LUZP1: variants seen among roughly 807,000 people sequenced by gnomAD.
LUZP1 encodes leucine zipper protein 1.
In LUZP1, 25 loss-of-function variants were observed where a neutral mutation model predicts 71.3. The ratio of observed to expected loss-of-function variants is 0.35; its 90% confidence interval spans 0.26 to 0.49. The LOEUF is 0.49. Among genes scored for constraint, LUZP1 ranks in the 20% least tolerant of loss-of-function variants. LUZP1 has a pLI of 0.99. For synonymous variants in LUZP1, 481 were observed against 506.4 expected, an observed-to-expected ratio of 0.95 and a Z score of 0.67; for missense variants, 1,142 against 1,300.8, an observed-to-expected ratio of 0.88 and a Z score of 1.88.
intron 1 of LUZP1, among the ~76,000 whole-genome samples, chr1:23,172,301 GGA>G (rs895940411): frequency 6.6e-6 from 1 of 152,126 alleles, no homozygotes; most frequent in African/African-American, 2.4e-5. Context: ...AAGTGTAGTA[GGA>G]TCCTGTAGTT....
chr1:23,161,556 C>T (rs997453872), intron 2 of LUZP1, among the ~76,000 whole-genome samples: 1 of 151,840 alleles, frequency 6.6e-6, no homozygotes, highest in African/African-American at 2.4e-5. Flanking sequence ...GAGTTTGAGA[C>T]CAGCCTGAGC....
intron 3 of LUZP1, among the ~76,000 whole-genome samples, chr1:23,103,424 C>T (rs1319198112): frequency 1.3e-5 from 2 of 152,074 alleles, no homozygotes; most frequent in Non-Finnish European, 2.9e-5. Flanking sequence ...AGTGAGGGAC[C>T]CAGCTAGCAT....
chr1:23,111,178 C>A lies in LUZP1; in HGVS notation c.-225-2051G>T, dbSNP rs183298817. Among the ~76,000 whole-genome samples the A allele has an allele frequency of 5.4e-5, 7 of 129,756 alleles. No homozygotes were observed. In the Admixed American group the frequency reaches 6.2e-4, roughly 12 times the overall value. 85.1% of individuals were successfully genotyped at this position (129,756 alleles called of 152,430 possible). On this transcript the variant is annotated intron_variant, in intron 2 of 4. Transcript: ENST00000302291. ...TCGCGCCACTGCACTCCAGCCTGGG[C>A]GACACAGTGAGACGCTGTCTCAAAA...
intron 1 of LUZP1, among the ~76,000 whole-genome samples, chr1:23,169,505 G>A (rs1179216627): frequency 2.6e-5 from 4 of 152,158 alleles, no homozygotes; most frequent in Non-Finnish European, 2.9e-5. Flanking sequence ...GCTCAGACTC[G>A]GGAGGCATGG....
chr1:23,168,845 C>A (rs1345306004), exon 2 of LUZP1: 2 of 152,576 alleles, frequency 1.3e-5, no homozygotes, highest in Non-Finnish European at 2.9e-5. Flanking sequence ...CCTCTGGCTC[C>A]GCGGGACTGA....
intron 2 of LUZP1, among the ~76,000 whole-genome samples, chr1:23,165,388 C>T (rs1287500707): frequency 2.0e-5 from 3 of 149,100 alleles, no homozygotes; most frequent in Non-Finnish European, 3.0e-5. Flanking sequence ...GAATGCATTC[C>T]GGGCAGGGCA....
At position 23,093,552 on chromosome 1, in the gene LUZP1, C is replaced by A. The variant is rs1643875940; in HGVS notation, c.710G>T (p.Arg237Ile). The change falls in exon 4 of 5, where the codon AGA becomes ATA. Residue 237 changes from arginine (R) to isoleucine (I), a missense_variant. Arg to Ile is a moderately conservative substitution (Grantham distance 97). Coordinates refer to ENST00000302291, the Ensembl canonical transcript of LUZP1. This position sits in a 1 kb window ranked among gnomAD's most constrained non-coding sequence, Gnocchi z 4.2. ...GCCATCCTCAATCCGTAGGTCATTT[C>A]TTTCCAGATTAGAAGCATTCCTTGT... 6.2e-7 allele frequency: 1 copy of A among 1,613,800 alleles called. No individual in the cohort carries two copies. Among genetic ancestry groups the A allele is most frequent in the Non-Finnish European group, 8.5e-7 (1 of 1,179,990 alleles).
chr1:23,094,468 TCCTGGTG>T lies in LUZP1; in HGVS notation c.-119-95_-119-89del, dbSNP rs1643882647. 4 of 957,844 alleles carry T rather than the reference TCCTGGTG, an allele frequency of 4.2e-6. No individual in the cohort carries two copies. In the African/African-American group the frequency reaches 5.1e-5, roughly 12 times the overall value. The allele number at this position is 957,844 out of a possible 1,614,324, so 59.3% of individuals were successfully genotyped here. A position where few individuals can be genotyped will look rare whatever the true frequency, so the allele number is the denominator to read the frequency against. ...GTTATAGAAAAGTGCTCCTATCTGT[TCCTGGTG>T]CCTGGATCATAGCAGGGGCTCAAAC... is the stretch of plus-strand genomic sequence containing the variant. On this transcript the variant is annotated intron_variant, in intron 3 of 4. Transcript: ENST00000302291. The surrounding 1 kb of genome is among the most constrained non-coding windows in gnomAD (Gnocchi z 4.7).
At chr1:23,160,461 A>T (rs957718355) in intron 2 of LUZP1, among the ~76,000 whole-genome samples, 1 of 152,222 alleles carries the variant, frequency 6.6e-6, no homozygotes, top group African/African-American at 2.4e-5. Context: ...TACACCAGTG[A>T]CAAGTTCCAA....
chr1:23,087,844 G>C (rs1460608292), exon 5 of LUZP1: 1 of 152,626 alleles, frequency 6.6e-6, no homozygotes, highest in Non-Finnish European at 1.5e-5. Context: ...CAGAAATCCG[G>C]GGCCCACTTC....
chr1:23,137,815 A>G (rs900436406), intron 2 of LUZP1, among the ~76,000 whole-genome samples: 1 of 152,212 alleles, frequency 6.6e-6, no homozygotes, highest in Non-Finnish European at 1.5e-5. Flanking sequence ...AAAGTTAAAC[A>G]TACAGGTACT....
chr1:23,138,351 G>T (rs1444709569), intron 2 of LUZP1, among the ~76,000 whole-genome samples: 2 of 152,154 alleles, frequency 1.3e-5, no homozygotes, highest in East Asian at 3.8e-4. Flanking sequence ...ACTACAAAAT[G>T]TGGATGAACC....
chr1:23,167,652 A>T (rs1282382682), intron 2 of LUZP1, among the ~76,000 whole-genome samples: 1 of 152,238 alleles, frequency 6.6e-6, no homozygotes, highest in Non-Finnish European at 1.5e-5. Flanking sequence ...GCGATGAAGA[A>T]ACAGATGCTC....
intron 2 of LUZP1, among the ~76,000 whole-genome samples, chr1:23,130,423 T>C (rs74062880): frequency 6.6e-6 from 1 of 152,050 alleles, no homozygotes; most frequent in Non-Finnish European, 1.5e-5. Flanking sequence ...CTGTACAATA[T>C]TATGAATATA....
chr1:23,141,544 AC>A (rs945189935), intron 2 of LUZP1, among the ~76,000 whole-genome samples: 4 of 152,206 alleles, frequency 2.6e-5, no homozygotes, highest in African/African-American at 9.7e-5. Context: ...TCAGTGTGTT[AC>A]ATTTTGGCCT....
chr1:23,153,801 G>C (rs1479909845), intron 2 of LUZP1, among the ~76,000 whole-genome samples: 2 of 152,124 alleles, frequency 1.3e-5, no homozygotes, highest in Non-Finnish European at 2.9e-5. Flanking sequence ...CACAAACGGT[G>C]GTGCACACCT....
At chr1:23,118,232 T>C (rs1044841121) in intron 2 of LUZP1, among the ~76,000 whole-genome samples, 1 of 150,986 alleles carries the variant, frequency 6.6e-6, no homozygotes, top group African/African-American at 2.4e-5. Flanking sequence ...TGCAACCCCA[T>C]CTCTAAACAC....
rs1290355978 is a variant in LUZP1, at chr1:23,117,512, G to A, written c.-225-8385C>T. Among the ~76,000 whole-genome samples, 86 of 72,164 alleles carry A rather than the reference G, an allele frequency of 1.2e-3. 4 individuals carry two copies. The highest frequency in any genetic ancestry group is 5.9e-3 in the African/African-American group (81 of 13,792). The allele number at this position is 72,164 out of a possible 152,430, so 47.3% of individuals were successfully genotyped here. A position where few individuals can be genotyped will look rare whatever the true frequency, so the allele number is the denominator to read the frequency against. ...CCCCCACAATCAGGAAGCCCTGGGGGGGGGGGCGGGGGGGGGGAACACCTT... is the reference window on the plus strand; with the variant it reads ...CCCCCACAATCAGGAAGCCCTGGGGAGGGGGGCGGGGGGGGGGAACACCTT... On this transcript the variant is annotated intron_variant, in intron 2 of 4. Coordinates refer to ENST00000302291, the Ensembl canonical transcript of LUZP1.
Position 23,093,061 on chromosome 1 carries a change from G to A in LUZP1, c.1201C>T (p.Arg401Ter), listed in dbSNP as rs1454162875. 6.2e-7 allele frequency: 1 copy of A among 1,614,092 alleles called. No individual in the cohort carries two copies. The highest frequency in any genetic ancestry group is 8.5e-7 in the Non-Finnish European group (1 of 1,179,990). ...AGAGCAAACTCCCTGTTCCGGAGTC[G>A]TTCCCGCTTATGCTGAGGAGACAGT... is the stretch of plus-strand genomic sequence containing the variant. The change falls in exon 4 of 5, where the codon CGA becomes TGA. Residue 401 changes from arginine to a stop codon, truncating the protein, a stop_gained. Transcript: ENST00000302291. LOFTEE classifies it high-confidence loss of function. The surrounding 1 kb of genome is among the most constrained non-coding windows in gnomAD (Gnocchi z 4.2).
Sources: gnomAD v4.1 joint callset for allele counts (sites outside exome capture counted in the v4.1 genomes callset) on GRCh38, gnomAD v4.1.1 for gene constraint, Gnocchi (gnomAD v3.1) non-coding constraint, MANE v1.5 for transcripts, NCBI Gene and HGNC (gene_info 2026-07-23, HGNC 2026-07-21) for gene names.